Variants in COL24A1 observed in about 807,000 individuals in gnomAD.
COL24A1 encodes collagen type XXIV alpha 1 chain.
Under a neutral mutation model 253.9 loss-of-function variants are expected in COL24A1, and 224 were observed. The observed-to-expected ratio is 0.88, with a 90% confidence interval of 0.79 to 0.99. COL24A1 has a LOEUF of 0.99. Ranked by LOEUF, COL24A1 falls within the 50% of genes least tolerant of loss-of-function variation. COL24A1 has a pLI of 0.00. For synonymous variants in COL24A1, 685 were observed against 673.7 expected, an observed-to-expected ratio of 1.02 and a Z score of -0.26; for missense variants, 2,131 against 2,068.5, an observed-to-expected ratio of 1.03 and a Z score of -0.59.
intron 20 of COL24A1, among the ~76,000 whole-genome samples, chr1:85,976,451 AC>A (rs1001977343): frequency 2.0e-5 from 3 of 151,706 alleles, no homozygotes; most frequent in African/African-American, 7.3e-5. Context: ...CAAGAACCAC[AC>A]CCCCTCCCCC....
intron 58 of COL24A1, among the ~76,000 whole-genome samples, chr1:85,735,193 G>T (rs1379919064): frequency 1.3e-5 from 2 of 152,144 alleles, no homozygotes; most frequent in Non-Finnish European, 2.9e-5. Flanking sequence ...CTCCCAAAGT[G>T]CTGGGATTAC....
intron 37 of COL24A1, among the ~76,000 whole-genome samples, chr1:85,850,594 A>G (rs1049324963): frequency 6.6e-5 from 10 of 152,174 alleles, no homozygotes; most frequent in Admixed American, 1.3e-4. Context: ...CCTTTCAAAA[A>G]GAGGCTGATT....
intron 24 of COL24A1, among the ~76,000 whole-genome samples, chr1:85,945,024 T>TTTG (rs1689189462): frequency 8.7e-6 from 1 of 115,194 alleles, no homozygotes; most frequent in East Asian, 2.4e-4. Flanking sequence ...TTTTTTTTTT[T>TTTG]TTTTTTTTTT....
intron 37 of COL24A1, among the ~76,000 whole-genome samples, chr1:85,857,373 T>C (rs1165935701): frequency 2.2e-5 from 3 of 135,512 alleles, no homozygotes; most frequent in African/African-American, 8.5e-5. Context: ...TAGTACTGAA[T>C]AAGGACCACA....
chr1:85,868,268 A>C (rs1252067287), intron 37 of COL24A1, among the ~76,000 whole-genome samples: 2 of 152,196 alleles, frequency 1.3e-5, no homozygotes. Flanking sequence ...GTTTGAGACA[A>C]CATAAAACAT....
chr1:85,984,547 T>C (rs1463437288), intron 20 of COL24A1, among the ~76,000 whole-genome samples: 2 of 151,838 alleles, frequency 1.3e-5, no homozygotes, highest in Non-Finnish European at 3.0e-5. Context: ...AGTTATTGAA[T>C]GAATGGATAA....
At chr1:85,815,575 T>C (rs1296507238) in intron 47 of COL24A1, among the ~76,000 whole-genome samples, 1 of 152,184 alleles carries the variant, frequency 6.6e-6, no homozygotes, top group Non-Finnish European at 1.5e-5. Flanking sequence ...ATTAGTGACA[T>C]AATTATATTG....
chr1:85,873,398 T>C (rs1028492352), intron 35 of COL24A1, among the ~76,000 whole-genome samples: 7 of 152,212 alleles, frequency 4.6e-5, no homozygotes, highest in Admixed American at 2.0e-4. Context: ...TGTATGTTTA[T>C]TGTGGCACTA....
intron 57 of COL24A1, among the ~76,000 whole-genome samples, chr1:85,742,697 G>GAA: frequency 6.7e-6 from 1 of 149,410 alleles, no homozygotes; most frequent in African/African-American, 2.5e-5. Context: ...CCCTTTTACA[G>GAA]AAAAAAAAAA....
In COL24A1 at chr1:85,798,277, C is replaced by T. The variant is rs1570659473; in HGVS notation, c.3952-11816G>A. 2.0e-5 allele frequency among the ~76,000 whole-genome samples: 3 copies of T among 151,426 alleles called. No homozygotes were observed. The East Asian group carries it at 5.8e-4, about 29-fold the overall frequency. Reference sequence around the variant, plus strand: ...CAACTAAGAAAGTTAAATCCTTTAGCAGATATTTCGTTTTGTTGCCAATAC... The same window carrying T: ...CAACTAAGAAAGTTAAATCCTTTAGTAGATATTTCGTTTTGTTGCCAATAC... On this transcript the variant is annotated intron_variant, in intron 47 of 59. Coordinates refer to ENST00000370571, the MANE Select transcript of COL24A1 (RefSeq NM_152890.7).
At chr1:85,898,087 A>G (rs1683932312) in intron 28 of COL24A1, among the ~76,000 whole-genome samples, 1 of 152,186 alleles carries the variant, frequency 6.6e-6, no homozygotes, top group South Asian at 2.1e-4. Context: ...CATGTTGAGA[A>G]ATATTAAGAT....
At chr1:85,861,476 T>G (rs983517007) in intron 37 of COL24A1, among the ~76,000 whole-genome samples, 1 of 152,204 alleles carries the variant, frequency 6.6e-6, no homozygotes, top group African/African-American at 2.4e-5. Flanking sequence ...CCAATTTATC[T>G]TAGAAGACGT....
chr1:85,955,398 A>G (rs1690339321), intron 24 of COL24A1, among the ~76,000 whole-genome samples: 1 of 152,222 alleles, frequency 6.6e-6, no homozygotes, highest in Non-Finnish European at 1.5e-5. Flanking sequence ...GGATACAGAA[A>G]GCCCTCTGTC....
At chr1:86,060,935 C>T (rs583315) in intron 8 of COL24A1, among the ~76,000 whole-genome samples, 108,510 of 151,556 alleles carry the variant, frequency 0.72, 40,208 homozygotes, top group African/African-American at 0.89. Flanking sequence ...TTATTGAGCA[C>T]TTATCATGGG....
intron 7 of COL24A1, 93 bp downstream of exon 7, chr1:86,089,081 T>C (rs1703287846): frequency 6.2e-6 from 6 of 968,842 alleles, no homozygotes; most frequent in Non-Finnish European, 7.6e-6. Flanking sequence ...CCATATATCA[T>C]CCAATTATGT....
chr1:86,109,869 G>T (rs1475966712), intron 5 of COL24A1, among the ~76,000 whole-genome samples: 1 of 152,120 alleles, frequency 6.6e-6, no homozygotes, highest in Non-Finnish European at 1.5e-5. Flanking sequence ...TCGTATAAAT[G>T]GGATTAGTGC....
At chr1:86,047,543 G>T (rs900356636) in intron 11 of COL24A1, among the ~76,000 whole-genome samples, 2 of 151,952 alleles carry the variant, frequency 1.3e-5, no homozygotes, top group African/African-American at 2.4e-5. Flanking sequence ...TCTATGATGA[G>T]AAGAATAACA....
intron 32 of COL24A1, among the ~76,000 whole-genome samples, chr1:85,880,841 T>C (rs1259907369): frequency 6.6e-6 from 1 of 152,202 alleles, no homozygotes; most frequent in Non-Finnish European, 1.5e-5. Flanking sequence ...GACATTCTAC[T>C]GTTAAACCAG....
intron 5 of COL24A1, among the ~76,000 whole-genome samples, chr1:86,111,686 C>T (rs2102152591): frequency 6.6e-6 from 1 of 152,288 alleles, no homozygotes; most frequent in East Asian, 1.9e-4. Context: ...ATAAATCTTG[C>T]TGCTGCTAAC....
Sources: allele counts gnomAD v4.1 joint callset (sites outside exome capture counted in the v4.1 genomes callset), GRCh38; gene constraint gnomAD v4.1.1; transcripts MANE v1.5; gene names NCBI Gene and HGNC (gene_info 2026-07-23, HGNC 2026-07-21).